MACF1: variants seen among roughly 807,000 people sequenced by gnomAD.
The protein encoded by MACF1 is microtubule actin crosslinking factor 1.
MACF1 carries 193 observed loss-of-function variants against 854.8 expected under a neutral mutation model. The ratio of observed to expected loss-of-function variants is 0.23; its 90% CI spans 0.20 to 0.25. MACF1 has a LOEUF of 0.25. Ranked by LOEUF, MACF1 falls within the 10% of genes least tolerant of loss-of-function variation. The pLI is 1.00. For missense variants in MACF1, 7,722 were observed against 8,929.1 expected, an observed-to-expected ratio of 0.86 and a Z score of 5.45; for synonymous variants, 3,185 against 3,226.7, an observed-to-expected ratio of 0.99 and a Z score of 0.44.
intron 95 of MACF1, among the ~76,000 whole-genome samples, chr1:39,466,850 G>T (rs961590720): frequency 6.6e-6 from 1 of 152,184 alleles, no homozygotes; most frequent in Non-Finnish European, 1.5e-5. Context: ...AAAGGTGTGG[G>T]ACTTCTTTTA....
chr1:39,434,136 G>A (rs1643922471), intron 68 of MACF1, among the ~76,000 whole-genome samples: 1 of 151,644 alleles, frequency 6.6e-6, no homozygotes, highest in Admixed American at 6.6e-5. Context: ...ATTACTGAAA[G>A]GTTAATTTTG....
In MACF1 at chr1:39,336,494, A is replaced by G; in HGVS notation, c.9906A>G (p.Glu3302=). Residue 3302 remains glutamate (E), a synonymous_variant, in exon 37 of 101, where the codon GAA becomes GAG. Transcript: ENST00000564288. ...CTACTGTTCTAGAGACCAGTGAAGA[A>G]AAGACAGTGTCCCTAACAGTATGCT... is the stretch of plus-strand genomic sequence containing the variant. The part of the protein sequence containing the change: ...ISPTVLETSE[E]KTVSLTVCSA... 1 of 1,614,170 alleles carries G rather than the reference A, an allele frequency of 6.2e-7. No individual in the cohort carries two copies. The highest frequency in any genetic ancestry group is 1.1e-5 in the South Asian group (1 of 91,074).
At chr1:39,472,484 C>T (rs1026611817) in intron 97 of MACF1, among the ~76,000 whole-genome samples, 7 of 152,098 alleles carry the variant, frequency 4.6e-5, no homozygotes, top group Non-Finnish European at 8.8e-5. Context: ...CCCTTAACAC[C>T]TTTTTTAATT....
intron 6 of MACF1, among the ~76,000 whole-genome samples, chr1:39,265,924 T>C (rs913206644): frequency 2.0e-5 from 3 of 152,178 alleles, no homozygotes; most frequent in Non-Finnish European, 2.9e-5. Flanking sequence ...AGTAAGTAGG[T>C]GGTAGTATGC....
In MACF1 at chr1:39,447,707, G is replaced by A; in HGVS notation, c.19777G>A (p.Val6593Ile). Reference protein sequence around the residue: ...IEEHKVFANEVNAHRDQIIEL... With the variant: ...IEEHKVFANEINAHRDQIIEL... ...GTTCCCTCAGGTTTTTGCTAATGAAGTAAATGCTCATCGAGACCAGATCAT... is the reference window on the plus strand; with the variant it reads ...GTTCCCTCAGGTTTTTGCTAATGAAATAAATGCTCATCGAGACCAGATCAT... Residue 6593 changes from valine to isoleucine, a missense_variant, in exon 82 of 101, where the codon GTA (valine) becomes ATA (isoleucine). This residue lies in a region of MACF1 where 729 missense variants were observed against 900.5 expected (regional missense o/e 0.81). Transcript: ENST00000564288. 1 of 1,613,940 alleles carries A rather than the reference G, an allele frequency of 6.2e-7. No individual in the cohort carries two copies. The highest frequency in any genetic ancestry group is 8.5e-7 in the Non-Finnish European group (1 of 1,179,948).
Position 39,084,567 on chromosome 1 carries a change from G to A in MACF1, c.220+129G>A. The A allele has an allele frequency of 1.3e-6, 1 of 746,296 alleles. No individual in the cohort carries two copies. Among genetic ancestry groups the A allele is most frequent in the Non-Finnish European group, 2.1e-6 (1 of 467,444 alleles). 46.2% of individuals were successfully genotyped at this position (746,296 alleles called of 1,614,324 possible). On this transcript the variant is annotated intron_variant, in intron 2 of 93. Transcript: ENST00000361689. The surrounding 1 kb of genome is among the most constrained non-coding windows in gnomAD (Gnocchi z 5.2). ...TGACAAAGCAGCCATCATCTGATTTGTTATTATTATTCTTGGAAAGACGTT... is the reference window on the plus strand; with the variant it reads ...TGACAAAGCAGCCATCATCTGATTTATTATTATTATTCTTGGAAAGACGTT...
chr1:39,269,214 A>C, intron 6 of MACF1: 1 of 1,290,024 alleles, frequency 7.8e-7, no homozygotes, highest in Non-Finnish European at 1.0e-6. Context: ...AGCATCCTGC[A>C]GCAGCAGGGC....
Position 39,297,845 on chromosome 1 carries a change from A to G in MACF1, c.2481+100A>G, listed in dbSNP as rs149080154. 228 of 1,373,378 alleles carry G rather than the reference A, an allele frequency of 1.7e-4. No individual in the cohort carries two copies. In the East Asian group the frequency reaches 4.8e-3, roughly 29 times the overall value. 85.1% of individuals were successfully genotyped at this position (1,373,378 alleles called of 1,614,324 possible). A position where few individuals can be genotyped will look rare whatever the true frequency, so the allele number is the denominator to read the frequency against. On this transcript the variant is annotated intron_variant, in intron 21 of 100. Coordinates refer to ENST00000564288, the MANE Select transcript of MACF1 (RefSeq NM_001394062.1). The stretch of plus-strand genomic sequence containing the variant: ...CTTGAAAGCTCCAGGGCAATGGGCC[A>G]TTGTTGTAATAAAGTTTGGCTTACA...
chr1:39,463,910 G>A (rs783819), intron 94 of MACF1: 20,890 of 419,366 alleles, frequency 0.05, 966 homozygotes, highest in East Asian at 0.15. Flanking sequence ...TTTTAAGATA[G>A]GAGATATTTC....
At chr1:39,374,408 A>G (rs1236455926) in intron 52 of MACF1, among the ~76,000 whole-genome samples, 1 of 152,242 alleles carries the variant, frequency 6.6e-6, no homozygotes, top group African/African-American at 2.4e-5. Context: ...GTACTTTTCT[A>G]TAGTATTCTA....
chr1:39,413,956 C>T (rs1198382540), intron 58 of MACF1: 1 of 1,605,598 alleles, frequency 6.2e-7, no homozygotes, highest in South Asian at 1.1e-5. Context: ...GCCTGCCTCC[C>T]TAGCAGCTGC....
At chr1:39,463,811 T>A in intron 94 of MACF1, 125 bp downstream of exon 94, 3 of 760,210 alleles carry the variant, frequency 3.9e-6, no homozygotes, top group Non-Finnish European at 4.5e-6. Context: ...CTCTCTGACC[T>A]CATCTCTATA....
intron 2 of MACF1, among the ~76,000 whole-genome samples, chr1:39,156,562 T>C (rs1643691898): frequency 6.6e-6 from 1 of 152,106 alleles, no homozygotes; most frequent in Non-Finnish European, 1.5e-5. Flanking sequence ...AAGGCTATGG[T>C]GAGCCAAGAT....
In MACF1 at chr1:39,293,522, C is replaced by T. The variant is rs778470834; in HGVS notation, c.2057C>T (p.Ala686Val). Residue 686 changes from alanine to valine, a missense_variant, in exon 18 of 101, where the codon GCT (alanine) becomes GTT (valine). This residue lies in a region of MACF1 where 1,137 missense variants were observed against 1,263.0 expected (regional missense o/e 0.90). Transcript: ENST00000564288. Reference sequence around the variant, plus strand: ...CATAAATTTGTTTCCAGAGCTACAGCTGAGTTGATCTGGTTGAATGAGAAG... The same window carrying T: ...CATAAATTTGTTTCCAGAGCTACAGTTGAGTTGATCTGGTTGAATGAGAAG... ...SLHKFVSRAT[A>V]ELIWLNEKEE... 1.2e-6 allele frequency: 2 copies of T among 1,613,928 alleles called. No homozygotes were observed. Among genetic ancestry groups the T allele is most frequent in the African/African-American group, 2.7e-5 (2 of 75,044 alleles).
At chr1:39,406,228 G>A (rs1642693402) in intron 58 of MACF1, among the ~76,000 whole-genome samples, 1 of 152,210 alleles carries the variant, frequency 6.6e-6, no homozygotes, top group South Asian at 2.1e-4. Flanking sequence ...ATTAGAGAGA[G>A]TGTGACTGCA....
intron 97 of MACF1, among the ~76,000 whole-genome samples, chr1:39,474,819 A>C (rs1190116671): frequency 6.6e-5 from 10 of 152,234 alleles, no homozygotes; most frequent in African/African-American, 2.4e-4. Context: ...AAAAAGGAAA[A>C]GGAGGTGTTG....
At chr1:39,418,447 A>G (rs1557643846) in intron 58 of MACF1, among the ~76,000 whole-genome samples, 2 of 152,238 alleles carry the variant, frequency 1.3e-5, no homozygotes, top group Non-Finnish European at 2.9e-5. Flanking sequence ...ATAGAAAGAG[A>G]AGAGAGTCCA....
intron 89 of MACF1, chr1:39,456,859 T>G (rs962377710): frequency 6.6e-6 from 1 of 151,952 alleles, no homozygotes; most frequent in African/African-American, 2.4e-5. Flanking sequence ...TCCAACAGAG[T>G]TTTTTCAGTC....
At chr1:39,415,363 T>C (rs1042468491) in intron 58 of MACF1, among the ~76,000 whole-genome samples, 11 of 151,410 alleles carry the variant, frequency 7.3e-5, no homozygotes, top group Non-Finnish European at 1.5e-4. Flanking sequence ...AGTCTGGCTC[T>C]GTCAGTCAGG....
Sources: allele counts gnomAD v4.1 joint callset (sites outside exome capture counted in the v4.1 genomes callset), GRCh38; gene constraint gnomAD v4.1.1; regional missense constraint gnomAD v4.1.1; non-coding constraint Gnocchi (gnomAD v3.1); transcripts MANE v1.5; gene names NCBI Gene and HGNC (gene_info 2026-07-23, HGNC 2026-07-21).